Variants in CFTR observed in about 807,000 individuals in gnomAD.
The protein encoded by CFTR is CF transmembrane conductance regulator, also known as cystic fibrosis transmembrane conductance regulator.
A neutral mutation model predicts 171.6 loss-of-function variants in CFTR; 181 were observed. The ratio of observed to expected loss-of-function variants is 1.05; its 90% CI spans 0.93 to 1.19. The LOEUF is 1.19. CFTR is among the 50% of genes most tolerant of loss of function. The probability of loss-of-function intolerance (pLI) is 0.00; values close to 1 mark genes in which losing one functional copy is unlikely to be tolerated. For missense variants in CFTR, 1,968 were observed against 1,734.7 expected (o/e 1.13, Z -2.39); for synonymous variants, 583 against 608.0 (o/e 0.96, Z 0.60).
intron 11 of CFTR, among the ~76,000 whole-genome samples, chr7:117,581,310 T>C (rs1368073080): frequency 1.3e-5 from 2 of 152,172 alleles, no homozygotes; most frequent in African/African-American, 4.8e-5. Flanking sequence ...CCAGTGCTTT[T>C]TGTGTACATC....
intron 2 of CFTR, among the ~76,000 whole-genome samples, 197 bp from the exon 3 acceptor site, chr7:117,508,837 T>G (rs1798464529): frequency 6.6e-6 from 1 of 152,246 alleles, no homozygotes; most frequent in African/African-American, 2.4e-5. Context: ...CACAGTGATA[T>G]ATGGCAGAGC....
chr7:117,636,491 T>G (rs532887360), intron 22 of CFTR, among the ~76,000 whole-genome samples: 3 of 152,240 alleles, frequency 2.0e-5, no homozygotes, highest in African/African-American at 7.2e-5. Flanking sequence ...CTGTTCTTTT[T>G]TTTCCTTTAT....
chr7:117,630,460 C>T (rs760470152), intron 22 of CFTR, among the ~76,000 whole-genome samples: 6 of 152,170 alleles, frequency 3.9e-5, no homozygotes, highest in South Asian at 2.1e-4. Flanking sequence ...ATTAAAAACC[C>T]GGGTTCTTGT....
chr7:117,501,747 C>CAAAAAAAAAAAAAAAAAAAAAAAGAAA (rs1798330251), intron 1 of CFTR, among the ~76,000 whole-genome samples: 2 of 43,900 alleles, frequency 4.6e-5, no homozygotes, highest in Admixed American at 3.1e-4. Context: ...AACTCTGTCT[C>CAAAAAAAAAAAAAAAAAAAAAAAGAAA]AAAAAAAAAA....
rs1213180481 is a variant in CFTR, at chr7:117,667,533, A to G, written c.*425A>G. 4 of 292,658 alleles carry G rather than the reference A, an allele frequency of 1.4e-5. No individual in the cohort carries two copies. The highest frequency in any genetic ancestry group is 2.6e-5 in the Non-Finnish European group (4 of 151,084). The allele number at this position is 292,658 out of a possible 1,614,324, so 18.1% of individuals were successfully genotyped here. A position where few individuals can be genotyped will look rare whatever the true frequency, so the allele number is the denominator to read the frequency against. On this transcript the variant is annotated 3_prime_UTR_variant, in exon 27 of 27. Transcript: ENST00000003084. ...TTCTTAGGGTTATGATTAAGTAATG[A>G]TAACTGGAAACTTCAGCGGTTTATA...
intron 1 of CFTR, among the ~76,000 whole-genome samples, chr7:117,498,402 C>T (rs1798271354): frequency 6.6e-6 from 1 of 152,072 alleles, no homozygotes; most frequent in South Asian, 2.1e-4. Flanking sequence ...GCAAACACTG[C>T]TAAATACCTT....
chr7:117,660,104 C>CTAT (rs945483282), intron 24 of CFTR, among the ~76,000 whole-genome samples: 7 of 151,678 alleles, frequency 4.6e-5, no homozygotes, highest in African/African-American at 1.7e-4. Flanking sequence ...GAAGTACATA[C>CTAT]TATTTATTAG....
chr7:117,645,930 C>G (rs919806601), intron 23 of CFTR, among the ~76,000 whole-genome samples: 13 of 152,086 alleles, frequency 8.5e-5, no homozygotes, highest in Non-Finnish European at 1.8e-4. Flanking sequence ...CAGATTTTTT[C>G]TTACTAAGTT....
rs529027287 is a variant in CFTR, at chr7:117,502,067, G to T, written c.54-2186G>T. Reference sequence around the variant, plus strand: ...ATGCCGTAAGTCAGTTTTTGTTTTTGTTTTTGTTTTCCGGAGAGGGGATTG... The same window carrying T: ...ATGCCGTAAGTCAGTTTTTGTTTTTTTTTTTGTTTTCCGGAGAGGGGATTG... On this transcript the variant is annotated intron_variant, in intron 1 of 26. Coordinates refer to ENST00000003084, the MANE Select transcript of CFTR (RefSeq NM_000492.4). Among the ~76,000 whole-genome samples the T allele has an allele frequency of 3.3e-5, 5 of 152,204 alleles. No homozygotes were observed. The East Asian group carries it at 5.8e-4, about 18-fold the overall frequency.
intron 20 of CFTR, among the ~76,000 whole-genome samples, chr7:117,612,023 GTA>G (rs772661286): frequency 0.066 from 3,502 of 53,002 alleles, 104 homozygotes; most frequent in Middle Eastern, 0.091. Context: ...ATATATATAT[GTA>G]TATATATATA....
At chr7:117,609,859 G>T (rs920449824) in intron 18 of CFTR, among the ~76,000 whole-genome samples, 21 of 152,014 alleles carry the variant, frequency 1.4e-4, no homozygotes, top group African/African-American at 4.6e-4. Context: ...AAAGATCAAA[G>T]AACACCATGT....
chr7:117,616,239 T>TG (rs148384591), intron 21 of CFTR: 1 of 151,726 alleles, frequency 6.6e-6, no homozygotes, highest in Non-Finnish European at 1.5e-5. Context: ...CTTTAACTTT[T>TG]TTTTTTAGTT....
At chr7:117,511,360 A>C (rs550193281) in intron 3 of CFTR, among the ~76,000 whole-genome samples, 28 of 152,352 alleles carry the variant, frequency 1.8e-4, no homozygotes, top group African/African-American at 6.5e-4. Flanking sequence ...GTATGGAGAA[A>C]GACTAAATTG....
intron 20 of CFTR, among the ~76,000 whole-genome samples, chr7:117,613,269 TGA>T (rs1792432970): frequency 1.3e-5 from 2 of 152,326 alleles, no homozygotes; most frequent in Admixed American, 1.3e-4. Flanking sequence ...TGAGTGTGAT[TGA>T]GTCTTGATTT....
chr7:117,496,315 C>A (rs566200706), intron 1 of CFTR, among the ~76,000 whole-genome samples: 36 of 152,176 alleles, frequency 2.4e-4, no homozygotes, highest in African/African-American at 7.7e-4. Context: ...AAGCGGTCCT[C>A]CCACCTCAGT....
rs113962471 is a variant in CFTR at position 117,613,282 on chromosome 7, A to T, written c.3368-1331A>T. On this transcript the variant is annotated intron_variant, in intron 20 of 26. Transcript: ENST00000003084. ...GTTGAGTGTGATTGAGTCTTGATTT[A>T]TTAGGGGCAATAATCAAAACATTTA... Among the ~76,000 whole-genome samples, 833 of 152,310 alleles carry T rather than the reference A, an allele frequency of 5.5e-3. 9 individuals are homozygous for T. Among genetic ancestry groups the T allele is most frequent in the African/African-American group, 0.018 (765 of 41,580 alleles).
At chr7:117,629,684 G>T (rs1195200553) in intron 22 of CFTR, among the ~76,000 whole-genome samples, 5 of 152,152 alleles carry the variant, frequency 3.3e-5, no homozygotes, top group African/African-American at 1.2e-4. Context: ...TGGTGAACAT[G>T]GGTGACTCCA....
chr7:117,651,449 T>C (rs758442963), intron 23 of CFTR, among the ~76,000 whole-genome samples: 1 of 152,194 alleles, frequency 6.6e-6, no homozygotes, highest in Non-Finnish European at 1.5e-5. Flanking sequence ...AATTCTCCAA[T>C]AATGACCTTT....
At chr7:117,570,993 A>G (rs975870137) in intron 11 of CFTR, among the ~76,000 whole-genome samples, 1 of 152,226 alleles carries the variant, frequency 6.6e-6, no homozygotes, top group African/African-American at 2.4e-5. Flanking sequence ...TGAAATTTAA[A>G]TAAGTCAGGA....
Sources: gnomAD v4.1 joint callset for allele counts (sites outside exome capture counted in the v4.1 genomes callset) on GRCh38, gnomAD v4.1.1 for gene constraint, MANE v1.5 for transcripts, NCBI Gene and HGNC (gene_info 2026-07-23, HGNC 2026-07-21) for gene names.